TBC1D5: variants seen among roughly 807,000 people sequenced by gnomAD.
The protein encoded by TBC1D5 is TBC1 domain family member 5.
A neutral mutation model predicts 100.3 loss-of-function variants in TBC1D5; 75 were observed. The observed-to-expected ratio is 0.75, with a 90% confidence interval of 0.62 to 0.91. The LOEUF is 0.91. TBC1D5 is among the 40% of genes least tolerant of loss of function. The pLI is 0.00. For synonymous variants in TBC1D5, 323 were observed against 325.6 expected (o/e 0.99, Z 0.09); for missense variants, 910 against 942.4 (o/e 0.97, Z 0.45).
chr3:17,616,644 G>A (rs1243453116), intron 2 of TBC1D5, among the ~76,000 whole-genome samples: 1 of 152,018 alleles, frequency 6.6e-6, no homozygotes, highest in Non-Finnish European at 1.5e-5. Flanking sequence ...ATTATGTAAT[G>A]GCCTTCTTTG....
At chr3:17,484,455 GGTGTGTGTGTGT>G (rs34847216) in intron 3 of TBC1D5, among the ~76,000 whole-genome samples, 23 of 111,544 alleles carry the variant, frequency 2.1e-4, no homozygotes, top group African/African-American at 6.8e-4. Context: ...GTAACACCAG[GGTGTGTGTGTGT>G]GTGTGTGTGT....
intron 3 of TBC1D5, among the ~76,000 whole-genome samples, chr3:17,490,111 T>C (rs1179348939): frequency 6.6e-6 from 1 of 152,228 alleles, no homozygotes; most frequent in East Asian, 1.9e-4. Flanking sequence ...TGTTGAGTTT[T>C]TTTAGTATAT....
exon 22 of TBC1D5, chr3:17,159,554 C>T (rs950803135): frequency 2.0e-5 from 3 of 152,310 alleles, no homozygotes; most frequent in African/African-American, 7.2e-5. Context: ...GCCATCCTCA[C>T]CCACTCCTGT....
chr3:17,545,478 T>C (rs2096405758), intron 2 of TBC1D5, among the ~76,000 whole-genome samples: 1 of 152,168 alleles, frequency 6.6e-6, no homozygotes, highest in South Asian at 2.1e-4. Flanking sequence ...AGCAAACCAA[T>C]ACAGAACCTT....
intron 2 of TBC1D5, among the ~76,000 whole-genome samples, chr3:17,569,256 A>G (rs2096611892): frequency 6.6e-6 from 1 of 151,864 alleles, no homozygotes; most frequent in South Asian, 2.1e-4. Context: ...TTTAAGCATC[A>G]TGGTTCTTTT....
intron 2 of TBC1D5, among the ~76,000 whole-genome samples, chr3:17,530,764 C>T (rs907163029): frequency 6.6e-6 from 1 of 152,076 alleles, no homozygotes; most frequent in Non-Finnish European, 1.5e-5. Context: ...GCAGAAAAGG[C>T]CTTTGACAAA....
intron 2 of TBC1D5, among the ~76,000 whole-genome samples, chr3:17,615,059 T>C (rs1028095185): frequency 1.3e-5 from 2 of 152,202 alleles, no homozygotes; most frequent in Non-Finnish European, 2.9e-5. Flanking sequence ...ATATGTTCCA[T>C]CAATACCTAG....
intron 3 of TBC1D5, among the ~76,000 whole-genome samples, chr3:17,447,559 A>G (rs1265607267): frequency 6.6e-6 from 1 of 152,252 alleles, no homozygotes; most frequent in Non-Finnish European, 1.5e-5. Flanking sequence ...TAAAGCTCCC[A>G]CCTAATAATT....
intron 2 of TBC1D5, among the ~76,000 whole-genome samples, chr3:17,612,122 A>G (rs1265076498): frequency 6.6e-6 from 1 of 151,986 alleles, no homozygotes; most frequent in East Asian, 1.9e-4. Context: ...TAACATGGTG[A>G]AACGCCTTAT....
Position 17,445,143 on chromosome 3 carries a change from G to GAT in TBC1D5, c.98-16626_98-16625dup, listed in dbSNP as rs539084757. On this transcript the variant is annotated intron_variant, in intron 3 of 21. Coordinates refer to ENST00000253692, the Ensembl canonical transcript of TBC1D5. ...ATATTTCACATCTAGTTTATGCCTAGATATAGCCCTGTATGTTCAAGTGCT... is the reference window on the plus strand; with the variant it reads ...ATATTTCACATCTAGTTTATGCCTAGATATATAGCCCTGTATGTTCAAGTGCT... 9.9e-5 allele frequency among the ~76,000 whole-genome samples: 15 copies of GAT among 152,218 alleles called. No homozygotes were observed. The South Asian group carries it at 2.7e-3, about 27-fold the overall frequency.
intron 1 of TBC1D5, among the ~76,000 whole-genome samples, chr3:17,648,975 G>T (rs1366287071): frequency 6.6e-6 from 1 of 152,128 alleles, no homozygotes; most frequent in East Asian, 1.9e-4. Context: ...TCCCATTACT[G>T]GGTATATACC....
At chr3:17,628,484 G>A (rs892308877) in intron 1 of TBC1D5, among the ~76,000 whole-genome samples, 5 of 151,766 alleles carry the variant, frequency 3.3e-5, no homozygotes, top group African/African-American at 7.3e-5. Flanking sequence ...TTCACCATGG[G>A]CCTAAAACAG....
At chr3:17,216,203 C>G (rs941404940) in intron 17 of TBC1D5, among the ~76,000 whole-genome samples, 1 of 152,032 alleles carries the variant, frequency 6.6e-6, no homozygotes, top group African/African-American at 2.4e-5. Flanking sequence ...TAGCTGATAG[C>G]CTTTAGCTAT....
chr3:17,605,445 G>A (rs2061278358), intron 2 of TBC1D5, among the ~76,000 whole-genome samples: 1 of 152,142 alleles, frequency 6.6e-6, no homozygotes, highest in Non-Finnish European at 1.5e-5. Flanking sequence ...AGTTCAACCT[G>A]GCATTTTTAG....
At chr3:17,472,818 T>C (rs2095394169) in intron 3 of TBC1D5, among the ~76,000 whole-genome samples, 1 of 152,198 alleles carries the variant, frequency 6.6e-6, no homozygotes, top group African/African-American at 2.4e-5. Context: ...ATTTCTACAT[T>C]AACAACGAAA....
intron 15 of TBC1D5, among the ~76,000 whole-genome samples, chr3:17,289,993 G>T (rs1362198976): frequency 6.6e-6 from 1 of 152,138 alleles, no homozygotes; most frequent in African/African-American, 2.4e-5. Context: ...CTTTTCAAAG[G>T]CTACACAGCT....
chr3:17,217,715 G>A (rs914106846), intron 17 of TBC1D5, among the ~76,000 whole-genome samples: 33 of 151,954 alleles, frequency 2.2e-4, no homozygotes, highest in African/African-American at 7.2e-4. Context: ...AAAAAGTTGG[G>A]GTATTTTCCT....
At chr3:17,284,356 G>A (rs1011775301) in intron 15 of TBC1D5, among the ~76,000 whole-genome samples, 1 of 152,124 alleles carries the variant, frequency 6.6e-6, no homozygotes, top group Non-Finnish European at 1.5e-5. Flanking sequence ...GACTTCGAGT[G>A]ATCCGCCTGC....
At chr3:17,340,776 C>G (rs2088760963) in intron 13 of TBC1D5, 1 of 152,308 alleles carries the variant, frequency 6.6e-6, no homozygotes. Context: ...GGAGGACTAG[C>G]TTCCTTGCAG....
Sources: allele counts gnomAD v4.1 joint callset (sites outside exome capture counted in the v4.1 genomes callset), GRCh38; gene constraint gnomAD v4.1.1; transcripts MANE v1.5; gene names NCBI Gene and HGNC (gene_info 2026-07-23, HGNC 2026-07-21).